The following EPHB1 variants were observed in gnomAD, a reference collection of about 807,000 sequenced individuals.
EPHB1 encodes the protein ephrin type-B receptor 1.
Under a neutral mutation model 94.4 loss-of-function variants are expected in EPHB1, and 30 were observed. The ratio of observed to expected loss-of-function variants is 0.32; its 90% CI spans 0.24 to 0.43. EPHB1 has a LOEUF of 0.43. EPHB1 is among the 20% of genes least tolerant of loss of function. EPHB1 has a pLI of 1.00. For missense variants in EPHB1, 1,055 were observed against 1,308.3 expected (o/e 0.81, Z 2.99); for synonymous variants, 522 against 489.1 (o/e 1.07, Z -0.89).
chr3:135,199,246 C>T (rs1434200331), intron 11 of EPHB1, among the ~76,000 whole-genome samples: 1 of 152,174 alleles, frequency 6.6e-6, no homozygotes, highest in Non-Finnish European at 1.5e-5. Context: ...ATCCATGTGA[C>T]TTGTGGCTGA....
intron 4 of EPHB1, among the ~76,000 whole-genome samples, chr3:135,129,056 A>T (rs1487770398): frequency 6.6e-6 from 1 of 152,198 alleles, no homozygotes; most frequent in Non-Finnish European, 1.5e-5. Context: ...TCCTGCACTC[A>T]ACAACCATGA....
chr3:134,912,536 C>T (rs535030224), intron 1 of EPHB1, among the ~76,000 whole-genome samples: 1 of 151,816 alleles, frequency 6.6e-6, no homozygotes, highest in East Asian at 1.9e-4. Context: ...GCCTCTGCCT[C>T]TCTCTCTCTC....
At chr3:134,849,209 G>A (rs561357898) in intron 1 of EPHB1, among the ~76,000 whole-genome samples, 3 of 152,376 alleles carry the variant, frequency 2.0e-5, no homozygotes, top group African/African-American at 7.2e-5. Context: ...TGTTGAAACA[G>A]ATTGTTGCTC....
intron 3 of EPHB1, among the ~76,000 whole-genome samples, chr3:135,084,107 A>C (rs981186749): frequency 2.6e-5 from 4 of 152,220 alleles, no homozygotes; most frequent in African/African-American, 7.2e-5. Context: ...ATGAAATAAA[A>C]GTAAAGGAAA....
intron 12 of EPHB1, among the ~76,000 whole-genome samples, chr3:135,204,575 A>G (rs1942846653): frequency 6.6e-6 from 1 of 151,888 alleles, no homozygotes; most frequent in South Asian, 2.1e-4. Flanking sequence ...ATCTCGGCTC[A>G]TTGCAGCTTC....
chr3:135,081,092 G>A (rs1364453358), intron 3 of EPHB1, among the ~76,000 whole-genome samples: 1 of 152,150 alleles, frequency 6.6e-6, no homozygotes, highest in Non-Finnish European at 1.5e-5. Context: ...GGAGAATCAG[G>A]TGAAGGAGGG....
At chr3:134,959,098 A>G (rs1305033430) in intron 3 of EPHB1, among the ~76,000 whole-genome samples, 3 of 152,220 alleles carry the variant, frequency 2.0e-5, no homozygotes, top group African/African-American at 7.2e-5. Flanking sequence ...TATATGTATT[A>G]TCAAAGATGA....
At chr3:135,238,040 A>G (rs2107726863) in intron 12 of EPHB1, among the ~76,000 whole-genome samples, 1 of 152,264 alleles carries the variant, frequency 6.6e-6, no homozygotes, top group African/African-American at 2.4e-5. Flanking sequence ...TATAATCATC[A>G]CTTGATGATA....
chr3:134,868,815 A>G (rs147178855), intron 1 of EPHB1, among the ~76,000 whole-genome samples: 86 of 152,368 alleles, frequency 5.6e-4, no homozygotes, highest in Non-Finnish European at 1.0e-3. Flanking sequence ...AGACATTTGC[A>G]CAAGGCACAA....
intron 3 of EPHB1, among the ~76,000 whole-genome samples, chr3:135,015,263 T>C (rs1329056778): frequency 6.6e-6 from 1 of 151,290 alleles, no homozygotes; most frequent in South Asian, 2.1e-4. Context: ...TTTTTTGAGA[T>C]GGAGTTTTGC....
At chr3:134,880,551 C>A (rs1041364769) in intron 1 of EPHB1, among the ~76,000 whole-genome samples, 1 of 152,244 alleles carries the variant, frequency 6.6e-6, no homozygotes, top group South Asian at 2.1e-4. Context: ...ATGGAGACTG[C>A]TGTAGCCCCC....
chr3:135,255,540 T>G (rs1448002202), intron 15 of EPHB1, among the ~76,000 whole-genome samples: 379 of 147,690 alleles, frequency 2.6e-3, no homozygotes, highest in African/African-American at 8.8e-3. Flanking sequence ...AGTGAGATTC[T>G]TAATCCTGAG....
At chr3:135,085,227 A>G (rs1459819801) in intron 3 of EPHB1, among the ~76,000 whole-genome samples, 1 of 152,190 alleles carries the variant, frequency 6.6e-6, no homozygotes, top group African/African-American at 2.4e-5. Flanking sequence ...ACAAAGAGGC[A>G]ATGAGAGCAA....
intron 12 of EPHB1, among the ~76,000 whole-genome samples, chr3:135,211,343 G>A (rs1053035433): frequency 1.3e-5 from 2 of 152,132 alleles, no homozygotes; most frequent in African/African-American, 4.8e-5. Flanking sequence ...GAAATCAAGA[G>A]GAAAATGTTT....
chr3:134,896,342 G>C (rs536179361), intron 1 of EPHB1, among the ~76,000 whole-genome samples: 184 of 152,234 alleles, frequency 1.2e-3, no homozygotes, highest in African/African-American at 4.3e-3. Flanking sequence ...CCATAATCTG[G>C]TGCACTGGAT....
At chr3:134,915,492 A>G (rs1226683735) in intron 1 of EPHB1, among the ~76,000 whole-genome samples, 1 of 152,184 alleles carries the variant, frequency 6.6e-6, no homozygotes, top group Non-Finnish European at 1.5e-5. Context: ...CAGAGGAAGT[A>G]TGGCCCTGAT....
At chr3:135,206,169 A>T (rs1942896596) in intron 12 of EPHB1, among the ~76,000 whole-genome samples, 1 of 152,192 alleles carries the variant, frequency 6.6e-6, no homozygotes, top group South Asian at 2.1e-4. Flanking sequence ...CATTATATTT[A>T]AGAGAACCGT....
rs952336399 is a variant in EPHB1 at position 135,007,001 on chromosome 3, C to G, written c.805+54949C>G. On this transcript the variant is annotated intron_variant, in intron 3 of 15. Transcript: ENST00000398015. ...ATGCTATGTGAATGGAGGTGAGACC[C>G]AATGGATCAGGAGTCACTTTGGTTC... 3.9e-5 allele frequency among the ~76,000 whole-genome samples: 6 copies of G among 152,090 alleles called. No individual in the cohort carries two copies. In the South Asian group the frequency reaches 1.2e-3, roughly 32 times the overall value.
intron 9 of EPHB1, among the ~76,000 whole-genome samples, chr3:135,171,178 A>T (rs183637394): frequency 1.3e-5 from 2 of 152,298 alleles, no homozygotes; most frequent in East Asian, 1.9e-4. Context: ...AAGAAAAAAA[A>T]ATATGAGGAC....
Sources: allele counts gnomAD v4.1 joint callset (sites outside exome capture counted in the v4.1 genomes callset), GRCh38; gene constraint gnomAD v4.1.1; transcripts MANE v1.5; gene names NCBI Gene and HGNC (gene_info 2026-07-23, HGNC 2026-07-21).